The following PCDHGB4 variants were observed in gnomAD, a reference collection of about 807,000 sequenced individuals.
PCDHGB4 encodes protocadherin gamma-B4.
A neutral mutation model predicts 60.5 loss-of-function variants in PCDHGB4; 38 were observed. The ratio of observed to expected loss-of-function variants is 0.63; its 90% CI spans 0.48 to 0.82. The LOEUF (loss-of-function observed/expected upper bound fraction) is 0.82. Among genes scored for constraint, PCDHGB4 ranks in the 40% least tolerant of loss-of-function variants. PCDHGB4 has a pLI of 0.00. For missense variants in PCDHGB4, 1,109 were observed against 1,209.6 expected (o/e 0.92, Z 1.23); for synonymous variants, 456 against 509.7 (o/e 0.89, Z 1.42).
intron 1 of PCDHGB4, chr5:141,415,531 C>G (rs777787905): frequency 1.2e-6 from 2 of 1,614,030 alleles, no homozygotes; most frequent in Non-Finnish European, 1.7e-6. Context: ...GCTCATCAGC[C>G]AGGAGAGCTG....
rs1265360670 is a variant in PCDHGB4, at chr5:141,435,001, T to A, written c.2397+44720T>A. On this transcript the variant is annotated intron_variant, in intron 1 of 3. Transcript: ENST00000519479. ...TACTCTATATCATTTTCTAGCTGAATTTATCAATGATAATGCTCTTTTCCC... is the reference window on the plus strand; with the variant it reads ...TACTCTATATCATTTTCTAGCTGAAATTATCAATGATAATGCTCTTTTCCC... Among the ~76,000 whole-genome samples the A allele has an allele frequency of 3.9e-5, 6 of 152,120 alleles. No homozygotes were observed. In the East Asian group the frequency reaches 1.2e-3, roughly 29 times the overall value.
intron 1 of PCDHGB4, among the ~76,000 whole-genome samples, chr5:141,407,447 G>A (rs1347838571): frequency 3.9e-5 from 6 of 152,260 alleles, no homozygotes; most frequent in African/African-American, 2.4e-5. Context: ...ACCAGAACAC[G>A]AGGCTCACCA....
At chr5:141,415,754 T>TTG in intron 1 of PCDHGB4, 4 of 1,385,736 alleles carry the variant, frequency 2.9e-6, no homozygotes, top group South Asian at 1.7e-5. Flanking sequence ...TTTTTTTTTT[T>TTG]TTTTTTTTTT....
Position 141,432,563 on chromosome 5 carries a change from G to T in PCDHGB4, c.2397+42282G>T. 2 of 1,613,912 alleles carry T rather than the reference G, an allele frequency of 1.2e-6. No homozygotes were observed. Among genetic ancestry groups the T allele is most frequent in the Non-Finnish European group, 1.7e-6 (2 of 1,179,996 alleles). The stretch of plus-strand genomic sequence containing the variant: ...GGTGGACAGAGACTCCGGCCAGAAC[G>T]CCTGGCTGTCCTACCGTCTGCTCAA... On this transcript the variant is annotated intron_variant, in intron 1 of 3. Transcript: ENST00000519479. The surrounding 1 kb of genome is among the most constrained non-coding windows in gnomAD (Gnocchi z 6.0).
intron 1 of PCDHGB4, chr5:141,391,093 C>A (rs1473023690): frequency 6.6e-6 from 1 of 152,148 alleles, no homozygotes; most frequent in Non-Finnish European, 1.5e-5. Flanking sequence ...GCCTTATCTG[C>A]AGCCCTAAAC....
rs369227893 is a variant in PCDHGB4, at chr5:141,419,063, T to A, written c.2397+28782T>A. 47 of 1,613,840 alleles carry A rather than the reference T, an allele frequency of 2.9e-5. No homozygotes were observed. The highest frequency in any genetic ancestry group is 4.0e-5 in the Non-Finnish European group (47 of 1,179,904). On this transcript the variant is annotated intron_variant, in intron 1 of 3. Coordinates refer to ENST00000519479, the MANE Select transcript of PCDHGB4 (RefSeq NM_003736.4). ...GATTCATTCTTCTTCTAATAATTACTACAAGCTAGTAACAGATGAGGCCCT... is the reference window on the plus strand; with the variant it reads ...GATTCATTCTTCTTCTAATAATTACAACAAGCTAGTAACAGATGAGGCCCT...
rs777780708 is a variant in PCDHGB4, at chr5:141,489,934, G to C, written c.2398-4873G>C. ...AGGGACCACCCTTATCTCTGTCATC[G>C]TGCTGGACATCAATGATAATGCTCC... On this transcript the variant is annotated intron_variant, in intron 1 of 3. Transcript: ENST00000519479. The surrounding 1 kb of genome is among the most constrained non-coding windows in gnomAD (Gnocchi z 4.5). The C allele has an allele frequency of 1.4e-5, 23 of 1,614,176 alleles. No homozygotes were observed. Among genetic ancestry groups the C allele is most frequent in the Non-Finnish European group, 1.8e-5 (21 of 1,180,030 alleles).
chr5:141,502,475 A>G (rs1246548191), intron 2 of PCDHGB4, among the ~76,000 whole-genome samples: 1 of 150,884 alleles, frequency 6.6e-6, no homozygotes, highest in Non-Finnish European at 1.5e-5. Context: ...TTCCCGCAGC[A>G]TCACACTGGG....
At chr5:141,446,831 T>C (rs1237079019) in intron 1 of PCDHGB4, among the ~76,000 whole-genome samples, 2 of 152,186 alleles carry the variant, frequency 1.3e-5, no homozygotes, top group East Asian at 3.9e-4. Context: ...TAGATCCTTA[T>C]AAGGCTGAGC....
intron 1 of PCDHGB4, chr5:141,421,414 C>G: frequency 6.2e-7 from 1 of 1,614,066 alleles, no homozygotes; most frequent in Non-Finnish European, 8.5e-7. Flanking sequence ...GCTGGCGAAG[C>G]GCGGAGTCCG....
intron 1 of PCDHGB4, among the ~76,000 whole-genome samples, chr5:141,461,906 C>A (rs2154567542): frequency 6.6e-6 from 1 of 152,270 alleles, no homozygotes; most frequent in South Asian, 2.1e-4. Context: ...TCACTGCAAC[C>A]TCTGCCTCCT....
intron 1 of PCDHGB4, chr5:141,404,569 C>T (rs887708182): frequency 6.2e-7 from 1 of 1,613,608 alleles, no homozygotes; most frequent in African/African-American, 1.3e-5. Context: ...ACAGTGGAAG[C>T]CCACCACTTA....
chr5:141,491,434 A>G lies in PCDHGB4; in HGVS notation c.2398-3373A>G, dbSNP rs1362196179. The G allele has an allele frequency of 6.2e-7, 1 of 1,614,032 alleles. No individual in the cohort carries two copies. ...GGACGGGGGTGGAGGGCAGTGCTGC[A>G]GGCGCCAGGACTCACCCTCCCCGGA... On this transcript the variant is annotated intron_variant, in intron 1 of 3. Coordinates refer to ENST00000519479, the MANE Select transcript of PCDHGB4 (RefSeq NM_003736.4). The surrounding 1 kb of genome is among the most constrained non-coding windows in gnomAD (Gnocchi z 6.9).
chr5:141,410,826 G>T, intron 1 of PCDHGB4: 4 of 379,152 alleles, frequency 1.1e-5, no homozygotes, highest in Non-Finnish European at 9.0e-6. Flanking sequence ...AATGTCACCA[G>T]ACTGAAGATA....
Position 141,399,737 on chromosome 5 carries a change from C to T in PCDHGB4, c.2397+9456C>T, listed in dbSNP as rs888467903. The T allele has an allele frequency of 2.5e-6, 4 of 1,613,296 alleles. No homozygotes were observed. In the South Asian group the frequency reaches 3.3e-5, roughly 13 times the overall value. On this transcript the variant is annotated intron_variant, in intron 1 of 3. Coordinates refer to ENST00000519479, the MANE Select transcript of PCDHGB4 (RefSeq NM_003736.4). Reference sequence around the variant, plus strand: ...CAGGCCCGCGACCAGGGCTCGCCTGCGCTCAGCGCAAACGTGAGCCTGCGC... The same window carrying T: ...CAGGCCCGCGACCAGGGCTCGCCTGTGCTCAGCGCAAACGTGAGCCTGCGC...
At chr5:141,419,962 G>A in intron 1 of PCDHGB4, 1 of 1,614,092 alleles carries the variant, frequency 6.2e-7, no homozygotes, top group African/African-American at 1.3e-5. Context: ...TGATTTCTGT[G>A]CTCTTTCTCC....
intron 1 of PCDHGB4, among the ~76,000 whole-genome samples, chr5:141,462,736 T>C (rs2099045667): frequency 6.6e-6 from 1 of 152,274 alleles, no homozygotes; most frequent in South Asian, 2.1e-4. Flanking sequence ...TTGTCACCTC[T>C]GTAATTCCTA....
intron 1 of PCDHGB4, chr5:141,420,315 A>G (rs755723069): frequency 6.2e-6 from 9 of 1,440,144 alleles, no homozygotes; most frequent in Non-Finnish European, 8.4e-6. Context: ...TTATATTACA[A>G]TATGCCAATA....
chr5:141,486,474 C>G lies in PCDHGB4; in HGVS notation c.2398-8333C>G. ...ACTGCTTCTGATGCTGGGAACCCTC[C>G]TCTCAGTACCCACAGAACTATTTTC... On this transcript the variant is annotated intron_variant, in intron 1 of 3. Transcript: ENST00000519479. The surrounding 1 kb of genome is among the most constrained non-coding windows in gnomAD (Gnocchi z 5.0). The G allele has an allele frequency of 6.2e-7, 1 of 1,614,016 alleles. No individual in the cohort carries two copies. Among genetic ancestry groups the G allele is most frequent in the Non-Finnish European group, 8.5e-7 (1 of 1,179,822 alleles).
Sources: allele counts gnomAD v4.1 joint callset (sites outside exome capture counted in the v4.1 genomes callset), GRCh38; gene constraint gnomAD v4.1.1; non-coding constraint Gnocchi (gnomAD v3.1); transcripts MANE v1.5; gene names NCBI Gene and HGNC (gene_info 2026-07-23, HGNC 2026-07-21).